Variants in HS6ST3 observed in about 807,000 individuals in gnomAD.
HS6ST3 encodes the protein heparan-sulfate 6-O-sulfotransferase 3.
Under a neutral mutation model 36.7 loss-of-function variants are expected in HS6ST3, and 12 were observed. That is an observed-to-expected ratio of 0.33 (90% CI 0.21 to 0.53). The LOEUF is 0.53. Ranked by LOEUF, HS6ST3 falls within the 20% of genes least tolerant of loss-of-function variation. The pLI is 0.95. For synonymous variants in HS6ST3, 240 were observed against 257.5 expected (o/e 0.93, Z 0.65); for missense variants, 584 against 640.9 (o/e 0.91, Z 0.96).
chr13:96,740,291 C>T (rs374610102), intron 1 of HS6ST3, among the ~76,000 whole-genome samples: 29 of 152,102 alleles, frequency 1.9e-4, no homozygotes, highest in African/African-American at 6.5e-4. Context: ...GTTGGTTCCT[C>T]ATATGTGCAT....
intron 1 of HS6ST3, among the ~76,000 whole-genome samples, chr13:96,378,909 C>A (rs951513266): frequency 2.6e-5 from 4 of 152,188 alleles, no homozygotes; most frequent in Non-Finnish European, 5.9e-5. Flanking sequence ...GTGGCATCTG[C>A]AGCTGGTTCA....
intron 1 of HS6ST3, among the ~76,000 whole-genome samples, chr13:96,208,673 T>C (rs1449278969): frequency 2.0e-5 from 3 of 152,230 alleles, no homozygotes; most frequent in East Asian, 1.9e-4. Flanking sequence ...ATAAAGATAA[T>C]ATGCAATTTT....
rs536768441 is a variant in HS6ST3, at chr13:96,230,564, G to A, written c.707+138995G>A. 4.4e-4 allele frequency among the ~76,000 whole-genome samples: 67 copies of A among 152,268 alleles called. No homozygotes were observed. The South Asian group carries it at 6.0e-3, about 14-fold the overall frequency. ...TTGGGAGCTGAGGAAACAGGTCAGG[G>A]AGGGTGAGTTATAGGAGAAGAGGAG... On this transcript the variant is annotated intron_variant, in intron 1 of 1. Coordinates refer to ENST00000376705, the MANE Select transcript of HS6ST3 (RefSeq NM_153456.4).
At chr13:96,608,992 CAG>C (rs1379987369) in intron 1 of HS6ST3, among the ~76,000 whole-genome samples, 1 of 151,836 alleles carries the variant, frequency 6.6e-6, no homozygotes, top group African/African-American at 2.4e-5. Flanking sequence ...TATTTTGAGG[CAG>C]AGTCTCACTC....
intron 1 of HS6ST3, among the ~76,000 whole-genome samples, chr13:96,625,861 G>T (rs1264712788): frequency 1.3e-5 from 2 of 149,132 alleles, no homozygotes; most frequent in Non-Finnish European, 3.0e-5. Context: ...TTTTATTCGA[G>T]ACGGAGTCTT....
chr13:96,773,754 A>G (rs1016426971), intron 1 of HS6ST3, among the ~76,000 whole-genome samples: 2 of 152,230 alleles, frequency 1.3e-5, no homozygotes, highest in East Asian at 1.9e-4. Context: ...GCGCAGCTTC[A>G]GCAGACTTAA....
At chr13:96,531,426 T>G (rs1190604176) in intron 1 of HS6ST3, among the ~76,000 whole-genome samples, 1 of 152,250 alleles carries the variant, frequency 6.6e-6, no homozygotes, top group African/African-American at 2.4e-5. Flanking sequence ...GTAAGATCAT[T>G]ACAAGCTCAA....
At chr13:96,277,002 T>C (rs1319615826) in intron 1 of HS6ST3, among the ~76,000 whole-genome samples, 1 of 152,218 alleles carries the variant, frequency 6.6e-6, no homozygotes, top group African/African-American at 2.4e-5. Flanking sequence ...ATTTACTCAC[T>C]ATTCAGTTCT....
chr13:96,711,792 G>A (rs1018658207), intron 1 of HS6ST3, among the ~76,000 whole-genome samples: 21 of 152,106 alleles, frequency 1.4e-4, no homozygotes, highest in African/African-American at 5.1e-4. Flanking sequence ...AGTACATTTT[G>A]TGTCACACTC....
rs1416595794 is a variant in HS6ST3, at chr13:96,250,244, A to G, written c.707+158675A>G. Among the ~76,000 whole-genome samples the G allele has an allele frequency of 2.6e-5, 4 of 152,346 alleles. No homozygotes were observed. In the East Asian group the frequency reaches 7.7e-4, roughly 29 times the overall value. On this transcript the variant is annotated intron_variant, in intron 1 of 1. Transcript: ENST00000376705. ...AGAGGTAGTGTTCTAGGGCAGTGGG[A>G]GAACAAACCCCATAAAACCCCTGTG...
chr13:96,395,031 G>A (rs546400483), intron 1 of HS6ST3, among the ~76,000 whole-genome samples: 8 of 152,144 alleles, frequency 5.3e-5, no homozygotes, highest in South Asian at 2.1e-4. Flanking sequence ...TTCTATTAAG[G>A]CTTCATTTGT....
chr13:96,759,570 A>AC (rs757241400), intron 1 of HS6ST3, among the ~76,000 whole-genome samples: 1 of 151,778 alleles, frequency 6.6e-6, no homozygotes, highest in African/African-American at 2.4e-5. Context: ...CACAATTCAT[A>AC]CCCCTATTCT....
At chr13:96,594,748 T>C (rs931054295) in intron 1 of HS6ST3, among the ~76,000 whole-genome samples, 3 of 152,230 alleles carry the variant, frequency 2.0e-5, no homozygotes, top group Admixed American at 2.0e-4. Flanking sequence ...ACTAAAGGTA[T>C]AGTGATTTAC....
chr13:96,525,108 C>T (rs1594799847), intron 1 of HS6ST3, among the ~76,000 whole-genome samples: 1 of 151,854 alleles, frequency 6.6e-6, no homozygotes, highest in African/African-American at 2.4e-5. Context: ...TTTTAAAGTT[C>T]TCTTTGTTTT....
At chr13:96,515,528 C>T (rs575093310) in intron 1 of HS6ST3, among the ~76,000 whole-genome samples, 173 of 152,318 alleles carry the variant, frequency 1.1e-3, no homozygotes, top group Non-Finnish European at 2.0e-3. Flanking sequence ...CACACTCTTA[C>T]TCATCTTTCT....
chr13:96,497,650 A>T (rs1184001335), intron 1 of HS6ST3, among the ~76,000 whole-genome samples: 1 of 152,144 alleles, frequency 6.6e-6, no homozygotes, highest in Non-Finnish European at 1.5e-5. Context: ...TGATTGTATC[A>T]GTCATGTTCT....
chr13:96,315,536 A>T (rs1381347760), intron 1 of HS6ST3, among the ~76,000 whole-genome samples: 1 of 152,228 alleles, frequency 6.6e-6, no homozygotes, highest in African/African-American at 2.4e-5. Context: ...AAAAAAACTA[A>T]CAATTTTTTC....
intron 1 of HS6ST3, among the ~76,000 whole-genome samples, chr13:96,487,826 C>G (rs923250766): frequency 6.6e-6 from 1 of 152,108 alleles, no homozygotes; most frequent in African/African-American, 2.4e-5. Flanking sequence ...GTTCCTGCAA[C>G]TGAATGTGGC....
In HS6ST3 at chr13:96,836,629, T is replaced by A. The variant is rs1878933459; in HGVS notation, c.*3431T>A. On this transcript the variant is annotated 3_prime_UTR_variant, in exon 2 of 2. Transcript: ENST00000376705. Reference sequence around the variant, plus strand: ...AGGACTCCTTGTTATGCCTTTAAGGTAATTTTTAAAAAAAATCTGAGTAGA... The same window carrying A: ...AGGACTCCTTGTTATGCCTTTAAGGAAATTTTTAAAAAAAATCTGAGTAGA... 1 of 152,144 alleles carries A rather than the reference T, an allele frequency of 6.6e-6. No homozygotes were observed. The highest frequency in any genetic ancestry group is 1.5e-5 in the Non-Finnish European group (1 of 68,018). 9.4% of individuals were successfully genotyped at this position (152,144 alleles called of 1,614,324 possible).
Sources: gnomAD v4.1 joint callset for allele counts (sites outside exome capture counted in the v4.1 genomes callset) on GRCh38, gnomAD v4.1.1 for gene constraint, MANE v1.5 for transcripts, NCBI Gene and HGNC (gene_info 2026-07-23, HGNC 2026-07-21) for gene names.